GRIN2A: variants seen among roughly 807,000 people sequenced by gnomAD.
GRIN2A encodes the protein glutamate ionotropic receptor NMDA type subunit 2A.
Under a neutral mutation model 113.4 loss-of-function variants are expected in GRIN2A, and 22 were observed. That is an observed-to-expected ratio of 0.19 (90% CI 0.14 to 0.28). The LOEUF (loss-of-function observed/expected upper bound fraction) is 0.28, where lower values mean the gene tolerates loss of function less well. GRIN2A is among the 10% of genes least tolerant of loss of function. GRIN2A has a pLI of 1.00. For missense variants in GRIN2A, 1,502 were observed against 1,887.0 expected (o/e 0.80, Z 3.78); for synonymous variants, 827 against 738.4 (o/e 1.12, Z -1.94).
At chr16:9,834,471 C>T (rs1312043131) in intron 7 of GRIN2A, among the ~76,000 whole-genome samples, 1 of 152,076 alleles carries the variant, frequency 6.6e-6, no homozygotes, top group African/African-American at 2.4e-5. Context: ...AACCTCCGCC[C>T]CCCAGGTTCA....
chr16:10,048,685 C>T (rs546836449), intron 2 of GRIN2A, among the ~76,000 whole-genome samples: 12 of 152,312 alleles, frequency 7.9e-5, no homozygotes, highest in African/African-American at 1.9e-4. Flanking sequence ...GAGCATTCCT[C>T]GGGCTGTTGA....
At chr16:9,848,502 C>G (rs536381831) in intron 5 of GRIN2A, among the ~76,000 whole-genome samples, 105 of 151,106 alleles carry the variant, frequency 6.9e-4, no homozygotes, top group African/African-American at 2.3e-3. Flanking sequence ...AGATGTGAAT[C>G]ACTGTGTCCA....
intron 2 of GRIN2A, among the ~76,000 whole-genome samples, chr16:10,038,978 G>A (rs1289904265): frequency 6.6e-6 from 1 of 151,990 alleles, no homozygotes; most frequent in Admixed American, 6.6e-5. Flanking sequence ...CCTCCAGGAA[G>A]CCCCCTGGCC....
intron 2 of GRIN2A, among the ~76,000 whole-genome samples, chr16:10,147,455 C>CAAAAAAAAA (rs367830700): frequency 5.9e-3 from 427 of 72,710 alleles, no homozygotes; most frequent in African/African-American, 0.013. Flanking sequence ...ACTAAAAATA[C>CAAAAAAAAA]AAAAAAAAAA....
chr16:10,181,005 C>A (rs973316909), intron 1 of GRIN2A, among the ~76,000 whole-genome samples: 3 of 152,194 alleles, frequency 2.0e-5, no homozygotes. Context: ...GCACCACACA[C>A]TTTGCTCTAC....
chr16:9,800,392 G>A (rs1254821718), intron 10 of GRIN2A, among the ~76,000 whole-genome samples: 2 of 152,104 alleles, frequency 1.3e-5, no homozygotes, highest in African/African-American at 4.8e-5. Flanking sequence ...AAACTAAATC[G>A]GAGATGACTC....
At chr16:9,818,138 A>T (rs2042218655) in intron 10 of GRIN2A, among the ~76,000 whole-genome samples, 1 of 152,080 alleles carries the variant, frequency 6.6e-6, no homozygotes, top group South Asian at 2.1e-4. Context: ...GAGATGTGAA[A>T]AGGAAGGAAA....
chr16:10,171,023 T>G (rs1295946782), intron 2 of GRIN2A, among the ~76,000 whole-genome samples: 5 of 152,172 alleles, frequency 3.3e-5, no homozygotes, highest in Admixed American at 2.6e-4. Flanking sequence ...CAATCTGAAG[T>G]TTTGAATTTT....
intron 2 of GRIN2A, among the ~76,000 whole-genome samples, chr16:10,054,665 G>C (rs2047414754): frequency 2.0e-5 from 3 of 152,094 alleles, no homozygotes; most frequent in Non-Finnish European, 2.9e-5. Flanking sequence ...CCATAGGGTG[G>C]ATATTTAAAA....
At chr16:9,988,434 C>T (rs148789850) in intron 2 of GRIN2A, among the ~76,000 whole-genome samples, 17 of 152,238 alleles carry the variant, frequency 1.1e-4, no homozygotes, top group African/African-American at 3.4e-4. Flanking sequence ...CAAAATCAAG[C>T]TTCAAGATAC....
chr16:9,872,434 G>T (rs1020147542), intron 4 of GRIN2A, among the ~76,000 whole-genome samples: 1 of 152,148 alleles, frequency 6.6e-6, no homozygotes, highest in Non-Finnish European at 1.5e-5. Context: ...TTGGGCTTCT[G>T]ATCAGACACA....
At chr16:10,144,726 G>C (rs1313181447) in intron 2 of GRIN2A, among the ~76,000 whole-genome samples, 1 of 151,974 alleles carries the variant, frequency 6.6e-6, no homozygotes, top group Non-Finnish European at 1.5e-5. Context: ...GATGAATGGA[G>C]CCTGGCCAAC....
intron 2 of GRIN2A, among the ~76,000 whole-genome samples, chr16:10,062,889 GA>G (rs2047572687): frequency 6.6e-6 from 1 of 151,500 alleles, no homozygotes; most frequent in African/African-American, 2.4e-5. Flanking sequence ...AAGAAGAAAA[GA>G]AAAACATTGG....
chr16:9,792,399 T>A (rs1159549842), intron 11 of GRIN2A, among the ~76,000 whole-genome samples: 2 of 152,068 alleles, frequency 1.3e-5, no homozygotes, highest in African/African-American at 4.8e-5. Context: ...TTTAAAAAAT[T>A]TTTTTGTAGA....
At chr16:9,971,994 C>T (rs1400413035) in intron 2 of GRIN2A, among the ~76,000 whole-genome samples, 1 of 141,836 alleles carries the variant, frequency 7.1e-6, no homozygotes, top group Non-Finnish European at 1.6e-5. Flanking sequence ...AAGAGCCAAC[C>T]TCTTTCTGGC....
At chr16:10,162,887 G>C (rs528838587) in intron 2 of GRIN2A, among the ~76,000 whole-genome samples, 31 of 152,298 alleles carry the variant, frequency 2.0e-4, no homozygotes, top group Non-Finnish European at 4.1e-4. Flanking sequence ...AGGGATGGAG[G>C]ATTTCCTATT....
intron 2 of GRIN2A, among the ~76,000 whole-genome samples, chr16:10,044,177 C>T (rs11074550): frequency 6.6e-6 from 1 of 151,184 alleles, no homozygotes; most frequent in Non-Finnish European, 1.5e-5. Flanking sequence ...CTCCCGCCTC[C>T]GTCTCGCCAC....
intron 2 of GRIN2A, among the ~76,000 whole-genome samples, chr16:9,966,170 G>A (rs1405315436): frequency 1.3e-5 from 2 of 152,100 alleles, no homozygotes; most frequent in African/African-American, 4.8e-5. Flanking sequence ...TGTTACACAG[G>A]TAAACTTGTG....
intron 12 of GRIN2A, among the ~76,000 whole-genome samples, chr16:9,768,162 G>A (rs541101731): frequency 2.0e-5 from 3 of 152,224 alleles, no homozygotes; most frequent in South Asian, 4.1e-4. Flanking sequence ...CCGGGTTCAC[G>A]CCATTCTCCT....
Sources: allele counts gnomAD v4.1 joint callset (sites outside exome capture counted in the v4.1 genomes callset), GRCh38; gene constraint gnomAD v4.1.1; transcripts MANE v1.5; gene names NCBI Gene and HGNC (gene_info 2026-07-23, HGNC 2026-07-21).